Variants in LARGE1 observed in about 807,000 individuals in gnomAD.
The protein encoded by LARGE1 is LARGE xylosyl- and glucuronyltransferase 1, also known as xylosyl- and glucuronyltransferase LARGE1.
LARGE1 carries 43 observed loss-of-function variants against 87.6 expected under a neutral mutation model. That is an observed-to-expected ratio of 0.49 (90% CI 0.38 to 0.63). The LOEUF is 0.63. Ranked by LOEUF, LARGE1 falls within the 30% of genes least tolerant of loss-of-function variation. The pLI is 0.00. For missense variants in LARGE1, 802 were observed against 1,000.2 expected (o/e 0.80, Z 2.67); for synonymous variants, 434 against 394.6 (o/e 1.10, Z -1.18).
intron 2 of LARGE1, among the ~76,000 whole-genome samples, chr22:33,676,372 CAAAA>C (rs10567981): frequency 7.2e-3 from 117 of 16,162 alleles, no homozygotes; most frequent in African/African-American, 0.016. Context: ...GATTCAATGG[CAAAA>C]AAAAAAAAAA....
Position 33,741,164 on chromosome 22 carries a change from C to T in LARGE1, c.106+20207G>A, listed in dbSNP as rs184550567. On this transcript the variant is annotated intron_variant, in intron 2 of 14. Transcript: ENST00000397394. ...CAGCACTCTGAGCACGAAGGCCACA[C>T]GTGTGGAATAAACGCTGCAACATTA... Among the ~76,000 whole-genome samples the T allele has an allele frequency of 2.3e-3, 357 of 152,318 alleles. 6 individuals carry two copies. Among genetic ancestry groups the T allele is most frequent in the Middle Eastern group, 0.014 (4 of 294 alleles).
intron 2 of LARGE1, among the ~76,000 whole-genome samples, chr22:33,654,467 A>G (rs2080905636): frequency 2.0e-5 from 3 of 152,210 alleles, no homozygotes. Context: ...TCAGAAGTGA[A>G]TAGTGGGCCC....
chr22:33,502,700 C>T (rs1488988708), intron 6 of LARGE1, among the ~76,000 whole-genome samples: 1 of 152,094 alleles, frequency 6.6e-6, no homozygotes, highest in Non-Finnish European at 1.5e-5. Context: ...TCCCAAGTAG[C>T]TGGGACTACA....
At chr22:33,444,805 C>A (rs1394523579) in intron 6 of LARGE1, among the ~76,000 whole-genome samples, 1 of 151,936 alleles carries the variant, frequency 6.6e-6, no homozygotes, top group Non-Finnish European at 1.5e-5. Flanking sequence ...CTGAGGCGGT[C>A]CCTTCCCTCA....
chr22:33,470,093 C>T (rs188399184), intron 6 of LARGE1, among the ~76,000 whole-genome samples: 20 of 151,580 alleles, frequency 1.3e-4, no homozygotes, highest in African/African-American at 3.4e-4. Context: ...GGTTTCACCA[C>T]GTTAGCCAGG....
At chr22:33,861,073 C>T (rs529150510) in intron 1 of LARGE1, among the ~76,000 whole-genome samples, 12 of 152,284 alleles carry the variant, frequency 7.9e-5, no homozygotes, top group African/African-American at 2.4e-4. Context: ...GAAGCGGCAT[C>T]GCCCAGGCAG....
chr22:33,544,458 G>A (rs2077297346), intron 6 of LARGE1, among the ~76,000 whole-genome samples: 1 of 152,156 alleles, frequency 6.6e-6, no homozygotes, highest in East Asian at 1.9e-4. Flanking sequence ...AGGCTGAGGC[G>A]GGCAGATCCC....
At chr22:33,468,180 C>G (rs2068693072) in intron 6 of LARGE1, among the ~76,000 whole-genome samples, 1 of 152,178 alleles carries the variant, frequency 6.6e-6, no homozygotes, top group South Asian at 2.1e-4. Flanking sequence ...GCATTCATTC[C>G]TTTGTTGAGG....
At chr22:33,303,273 T>C (rs1005551829) in intron 12 of LARGE1, among the ~76,000 whole-genome samples, 3 of 152,204 alleles carry the variant, frequency 2.0e-5, no homozygotes, top group Admixed American at 6.5e-5. Context: ...ACAGAAGCAG[T>C]TGTCATGGTG....
intron 11 of LARGE1, among the ~76,000 whole-genome samples, chr22:33,240,728 T>C (rs1156906601): frequency 6.6e-6 from 1 of 152,220 alleles, no homozygotes; most frequent in African/African-American, 2.4e-5. Flanking sequence ...CGTGGATCAA[T>C]TTGGGGAGAT....
chr22:33,534,950 G>A (rs141437072), intron 6 of LARGE1, among the ~76,000 whole-genome samples: 7 of 152,194 alleles, frequency 4.6e-5, no homozygotes, highest in African/African-American at 9.7e-5. Flanking sequence ...GGTTGAAGCC[G>A]AGAGTAATAA....
chr22:33,804,967 A>C (rs2086264432), intron 1 of LARGE1, among the ~76,000 whole-genome samples: 1 of 152,152 alleles, frequency 6.6e-6, no homozygotes, highest in African/African-American at 2.4e-5. Flanking sequence ...ATTCACTTGG[A>C]TATATCGAAA....
intron 6 of LARGE1, among the ~76,000 whole-genome samples, chr22:33,476,196 A>G (rs1340194289): frequency 6.6e-6 from 1 of 152,256 alleles, no homozygotes; most frequent in Non-Finnish European, 1.5e-5. Context: ...TGGGACAGAC[A>G]GTCCTCCCTC....
chr22:33,447,298 A>G (rs1343939732), intron 6 of LARGE1, among the ~76,000 whole-genome samples: 1 of 152,214 alleles, frequency 6.6e-6, no homozygotes, highest in Non-Finnish European at 1.5e-5. Context: ...TCTTTCTTTT[A>G]GAGATATTCC....
At chr22:33,121,187 GT>G in the LARGE1 span, among the ~76,000 whole-genome samples, 903 of 152,156 alleles carry the variant, frequency 5.9e-3, 10 homozygotes, top group African/African-American at 0.021. Flanking sequence ...ACTGCCTTTT[GT>G]TTTTTTCCCC....
At chr22:33,718,662 C>G (rs11914160) in intron 2 of LARGE1, among the ~76,000 whole-genome samples, 1 of 152,350 alleles carries the variant, frequency 6.6e-6, no homozygotes, top group East Asian at 1.9e-4. Flanking sequence ...AATCAATGCA[C>G]GTTCATGCCC....
At chr22:33,175,377 A>C (rs1381113505) in intron 11 of LARGE1, among the ~76,000 whole-genome samples, 1 of 152,220 alleles carries the variant, frequency 6.6e-6, no homozygotes, top group Non-Finnish European at 1.5e-5. Context: ...CTCTGTTTGC[A>C]GATGACATGA....
At chr22:33,238,296 T>G (rs897971428) in intron 11 of LARGE1, among the ~76,000 whole-genome samples, 1 of 152,080 alleles carries the variant, frequency 6.6e-6, no homozygotes, top group African/African-American at 2.4e-5. Flanking sequence ...GTTAGAGACA[T>G]AGAGGATAAA....
chr22:33,446,677 G>C (rs1299801915), intron 6 of LARGE1, among the ~76,000 whole-genome samples: 4 of 152,190 alleles, frequency 2.6e-5, no homozygotes, highest in Non-Finnish European at 5.9e-5. Flanking sequence ...GAAGCCAGGA[G>C]GGCTGGTCTG....
Sources: gnomAD v4.1 joint callset for allele counts (sites outside exome capture counted in the v4.1 genomes callset) on GRCh38, gnomAD v4.1.1 for gene constraint, MANE v1.5 for transcripts, NCBI Gene and HGNC (gene_info 2026-07-23, HGNC 2026-07-21) for gene names.